Variants in PITPNM1 observed in about 807,000 individuals in gnomAD.
The protein encoded by PITPNM1 is phosphatidylinositol transfer protein membrane associated 1, also known as membrane-associated phosphatidylinositol transfer protein 1.
A neutral mutation model predicts 133.3 loss-of-function variants in PITPNM1; 74 were observed. The observed-to-expected ratio is 0.56, with a 90% CI of 0.46 to 0.67. The LOEUF is 0.67. Among genes scored for constraint, PITPNM1 ranks in the 30% least tolerant of loss-of-function variants. The probability of loss-of-function intolerance (pLI) is 0.00; values close to 1 mark genes in which losing one functional copy is unlikely to be tolerated. For missense variants in PITPNM1, 1,398 were observed against 1,739.5 expected (o/e 0.80, Z 3.49); for synonymous variants, 738 against 741.4 (o/e 1.00, Z 0.08).
chr11:67,500,617 C>T (rs575370769), intron 5 of PITPNM1, among the ~76,000 whole-genome samples, 196 bp from the exon 6 acceptor site: 1 of 152,240 alleles, frequency 6.6e-6, no homozygotes, highest in African/African-American at 2.4e-5. Context: ...GACTCCCCCC[C>T]GCCCACTGCC....
chr11:67,497,896 G>T, intron 12 of PITPNM1, 21 bp downstream of exon 12: 1 of 1,603,782 alleles, frequency 6.2e-7, no homozygotes. Flanking sequence ...TCCTGAGGAG[G>T]CCGGGTTTGG....
chr11:67,496,627 C>A (rs929700401), intron 14 of PITPNM1: 3 of 432,526 alleles, frequency 6.9e-6, no homozygotes, highest in African/African-American at 2.1e-5. Context: ...TGGTGAAACC[C>A]CGTCTCCATT....
In PITPNM1 at chr11:67,498,392, C is replaced by T; in HGVS notation, c.1485-70G>A. Reference sequence around the variant, plus strand: ...ACTCCTGCCATCCAAGTCCCCTGGGCCTGCTGGCAGGCCCTGGCTCTGTGG... The same window carrying T: ...ACTCCTGCCATCCAAGTCCCCTGGGTCTGCTGGCAGGCCCTGGCTCTGTGG... On this transcript the variant is annotated intron_variant, in intron 10 of 23. Transcript: ENST00000356404. This position sits in a 1 kb window ranked among gnomAD's most constrained non-coding sequence, Gnocchi z 5.7. The T allele has an allele frequency of 6.9e-7, 1 of 1,442,066 alleles. No homozygotes were observed. Among genetic ancestry groups the T allele is most frequent in the Non-Finnish European group, 9.2e-7 (1 of 1,089,310 alleles). The allele number at this position is 1,442,066 out of a possible 1,614,324, so 89.3% of individuals were successfully genotyped here. A position where few individuals can be genotyped will look rare whatever the true frequency, so the allele number is the denominator to read the frequency against.
intron 6 of PITPNM1, 33 bp from the exon 7 acceptor site, chr11:67,500,042 A>C: frequency 6.2e-7 from 1 of 1,608,576 alleles, no homozygotes. Context: ...GCCTCAGCCC[A>C]GGAGCCCAGC....
Position 67,497,959 on chromosome 11 carries a change from G to A in PITPNM1, c.1740C>T (p.Asn580=), listed in dbSNP as rs527310668. ...TGCTGCCCCGACTCCCGGTGCCCGC[G>A]TTAGCACTGTGGCAGAGTGCATCAA... is the stretch of plus-strand genomic sequence containing the variant. ...LGFDALCHSA[N]AGTGSRGSSR... is the part of the protein sequence containing the mutation. Residue 580 remains asparagine, a synonymous_variant, in exon 12 of 24, where the codon AAC becomes AAT. Transcript: ENST00000356404. The A allele has an allele frequency of 3.0e-5, 48 of 1,611,206 alleles. No homozygotes were observed. In the South Asian group the frequency reaches 3.3e-4, roughly 11 times the overall value.
intron 18 of PITPNM1, among the ~76,000 whole-genome samples, 188 bp from the exon 19 acceptor site, chr11:67,494,548 G>A (rs1460791672): frequency 6.6e-6 from 1 of 152,114 alleles, no homozygotes; most frequent in Admixed American, 6.5e-5. Flanking sequence ...TGTGTGGGCC[G>A]CGCCTCCAGG....
chr11:67,495,340 G>C, intron 16 of PITPNM1, 98 bp downstream of exon 16: 2 of 1,464,348 alleles, frequency 1.4e-6, no homozygotes, highest in Admixed American at 5.0e-5. Flanking sequence ...CCAAGTCCAG[G>C]CTGTGTGCTG....
chr11:67,498,995 C>G lies in PITPNM1; in HGVS notation c.1178G>C (p.Gly393Ala), dbSNP rs17847835. ...PVEAEGTPEP[G>A]AEAAKGIEDG... ...CTCAATGCCTTTAGCTGCCTCGGCT[C>G]CAGGCTCTGCAGGGCAACGAAGCCA... Residue 393 changes from glycine (G) to alanine (A), a missense_variant, in exon 9 of 24, where the codon GGA becomes GCA. Gly to Ala is a moderately conservative substitution (Grantham distance 60, BLOSUM62 0). This residue lies in a region of PITPNM1 where 195 missense variants were observed against 178.8 expected (regional missense o/e 1.09). Transcript: ENST00000356404. This position sits in a 1 kb window ranked among gnomAD's most constrained non-coding sequence, Gnocchi z 5.7. 4.5e-4 allele frequency: 726 copies of G among 1,611,524 alleles called. 9 individuals are homozygous for G. In the East Asian group the frequency reaches 9.8e-3, roughly 22 times the overall value.
intron 22 of PITPNM1, 73 bp from the exon 23 acceptor site, chr11:67,493,135 C>A: frequency 6.4e-7 from 1 of 1,574,222 alleles, no homozygotes; most frequent in Non-Finnish European, 8.7e-7. Flanking sequence ...TGTTGGGCTT[C>A]CCCAGATTGT....
chr11:67,497,630 G>T lies in PITPNM1; in HGVS notation c.1832C>A (p.Ala611Glu). Residue 611 changes from alanine (A) to glutamate (E), a missense_variant, in exon 13 of 24, where the codon GCA becomes GAA. Transcript: ENST00000356404. ...CCGACCCAGGCCTTCCACACCATCT[G>T]CCAGGGGGTCCCGCACTGGGCCAAA... The part of the protein sequence containing the change: ...PEFGPVRDPL[A>E]DGVEGLGRGS... 6.2e-7 allele frequency: 1 copy of T among 1,608,530 alleles called. No homozygotes were observed. Among genetic ancestry groups the T allele is most frequent in the Non-Finnish European group, 8.5e-7 (1 of 1,178,620 alleles).
In PITPNM1 at chr11:67,502,641, G is replaced by C. The variant is rs148793135; in HGVS notation, c.156C>G (p.Pro52=). The change falls in exon 3 of 24, where the codon CCC becomes CCG. Residue 52 remains proline (P), a synonymous_variant. Transcript: ENST00000356404. The surrounding 1 kb of genome is among the most constrained non-coding windows in gnomAD (Gnocchi z 5.9). ...TGTGTGTGTATTGCCCGCTGCCCCCGGGCCCATCCGTGTAGGGCCGGTTGG... is the reference window on the plus strand; with the variant it reads ...TGTGTGTGTATTGCCCGCTGCCCCCCGGCCCATCCGTGTAGGGCCGGTTGG... ...ILANRPYTDG[P]GGSGQYTHKV... The C allele has an allele frequency of 6.8e-6, 11 of 1,613,368 alleles. No homozygotes were observed. In the African/African-American group the frequency reaches 1.3e-4, roughly 20 times the overall value.
Position 67,498,799 on chromosome 11 carries a change from G to T in PITPNM1, c.1281C>A (p.His427Gln). The T allele has an allele frequency of 6.2e-7, 1 of 1,612,656 alleles. No individual in the cohort carries two copies. Among genetic ancestry groups the T allele is most frequent in the Non-Finnish European group, 8.5e-7 (1 of 1,179,932 alleles). ...CGCTGTGCAGGATAAGGAAGAGGGCGTGGACTGCGCATGCCTCAGCCCCCA... is the reference window on the plus strand; with the variant it reads ...CGCTGTGCAGGATAAGGAAGAGGGCTTGGACTGCGCATGCCTCAGCCCCCA... Reference protein sequence around the residue: ...GELGAEACAVHALFLILHSGN... With the variant: ...GELGAEACAVQALFLILHSGN... Residue 427 changes from histidine (H) to glutamine (Q), a missense_variant, in exon 10 of 24, where the codon CAC (histidine) becomes CAA (glutamine). His to Gln is a conservative substitution (Grantham distance 24). Coordinates refer to ENST00000356404, the MANE Select transcript of PITPNM1 (RefSeq NM_004910.3). The surrounding 1 kb of genome is among the most constrained non-coding windows in gnomAD (Gnocchi z 5.7).
chr11:67,491,855 G>T lies in PITPNM1; in HGVS notation c.*178C>A. The T allele has an allele frequency of 1.5e-6, 1 of 675,850 alleles. No individual in the cohort carries two copies. Among genetic ancestry groups the T allele is most frequent in the South Asian group, 2.0e-5 (1 of 51,088 alleles). 41.9% of individuals were successfully genotyped at this position (675,850 alleles called of 1,614,324 possible). A position where few individuals can be genotyped will look rare whatever the true frequency, so the allele number is the denominator to read the frequency against. On this transcript the variant is annotated 3_prime_UTR_variant, in exon 24 of 24. Transcript: ENST00000356404. ...GCCCACGCCCTCCTCCCTCCCCCCG[G>T]CGCTGGGTCCCCTCATATGAAAGGG... is the stretch of plus-strand genomic sequence containing the variant.
intron 15 of PITPNM1, 46 bp downstream of exon 15, chr11:67,496,132 G>A (rs768446649): frequency 1.2e-5 from 18 of 1,450,152 alleles, no homozygotes; most frequent in Non-Finnish European, 1.5e-5. Flanking sequence ...CTCCCTTCCT[G>A]TGTGTGCCCT....
Position 67,497,384 on chromosome 11 carries a change from T to A in PITPNM1, c.1993A>T (p.Thr665Ser), listed in dbSNP as rs1206089493. 2 of 1,594,514 alleles carry A rather than the reference T, an allele frequency of 1.3e-6. No homozygotes were observed. The highest frequency in any genetic ancestry group is 1.7e-5 in the Admixed American group (1 of 58,018). The part of the protein sequence containing the change: ...TSSWEPRRAS[T>S]AFCPPAASSE... ...CTGGCAGCGGGTGGGCAGAAGGCCG[T>A]GCTTGCCCGCCGGGGCTCCCAGGAG... The change falls in exon 14 of 24, where the codon ACG becomes TCG. Residue 665 changes from threonine to serine, a missense_variant. Thr to Ser is a moderately conservative substitution (Grantham distance 58). Transcript: ENST00000356404.
chr11:67,494,519 ACC>A (rs1288138345), intron 18 of PITPNM1, among the ~76,000 whole-genome samples, 159 bp from the exon 19 acceptor site: 1 of 151,736 alleles, frequency 6.6e-6, no homozygotes, highest in East Asian at 1.9e-4. Flanking sequence ...ACTTTTGTGG[ACC>A]CCGGCCTGAG....
At chr11:67,492,418 G>GCC in intron 23 of PITPNM1, 122 bp from the exon 24 acceptor site, 1 of 1,035,170 alleles carries the variant, frequency 9.7e-7, no homozygotes. Flanking sequence ...GGCACAGCCT[G>GCC]AGCTGAAGCC....
At chr11:67,495,359 G>C in intron 16 of PITPNM1, 79 bp downstream of exon 16, 2 of 1,458,444 alleles carry the variant, frequency 1.4e-6, no homozygotes, top group Non-Finnish European at 9.1e-7. Flanking sequence ...TGGGGGAAAG[G>C]GTTTCTCAGC....
upstream of PITPNM1, chr11:67,506,247 C>G (rs1466887258): frequency 5.9e-6 from 1 of 168,166 alleles, no homozygotes; most frequent in African/African-American, 2.4e-5. Flanking sequence ...CCCAGGCTGC[C>G]CACAGCGCCA....
Sources: allele counts gnomAD v4.1 joint callset (sites outside exome capture counted in the v4.1 genomes callset), GRCh38; gene constraint gnomAD v4.1.1; regional missense constraint gnomAD v4.1.1; non-coding constraint Gnocchi (gnomAD v3.1); transcripts MANE v1.5; gene names NCBI Gene and HGNC (gene_info 2026-07-23, HGNC 2026-07-21).